APBB1IP: variants seen among roughly 807,000 people sequenced by gnomAD.
APBB1IP encodes the protein amyloid beta precursor protein binding family B member 1 interacting protein.
In APBB1IP, 27 loss-of-function variants were observed where a neutral mutation model predicts 64.9. The ratio of observed to expected loss-of-function variants is 0.42; its 90% CI spans 0.31 to 0.57. The LOEUF (loss-of-function observed/expected upper bound fraction) is 0.57, where lower values mean the gene tolerates loss of function less well. Ranked by LOEUF, APBB1IP falls within the 20% of genes least tolerant of loss-of-function variation. The probability of loss-of-function intolerance (pLI) is 0.20; values close to 1 mark genes in which losing one functional copy is unlikely to be tolerated. For missense variants in APBB1IP, 812 were observed against 845.5 expected, an observed-to-expected ratio of 0.96 and a Z score of 0.49; for synonymous variants, 392 against 331.0, an observed-to-expected ratio of 1.18 and a Z score of -2.00.
At chr10:26,535,909 C>T (rs937641573) in intron 9 of APBB1IP, among the ~76,000 whole-genome samples, 165 bp from the exon 10 acceptor site, 8 of 152,188 alleles carry the variant, frequency 5.3e-5, no homozygotes, top group African/African-American at 1.9e-4. Context: ...GTTATTCTTC[C>T]TCTCTTCTGG....
chr10:26,556,573 G>A (rs1484437972), intron 11 of APBB1IP, among the ~76,000 whole-genome samples: 3 of 152,326 alleles, frequency 2.0e-5, no homozygotes, highest in African/African-American at 4.8e-5. Context: ...CTTTAAGGGA[G>A]TGACTACATT....
Position 26,540,712 on chromosome 10 carries a change from T to C in APBB1IP, c.1045-870T>C, listed in dbSNP as rs1018152709. ...TATAGAAAGCGAAACAAAAAACTAA[T>C]GGAACACATTTGTAATTGAAGTGTA... On this transcript the variant is annotated intron_variant, in intron 10 of 14. Coordinates refer to ENST00000376236, the MANE Select transcript of APBB1IP (RefSeq NM_019043.4). Among the ~76,000 whole-genome samples the C allele has an allele frequency of 2.6e-4, 40 of 152,150 alleles. 1 individual carries two copies. The highest frequency in any genetic ancestry group is 2.6e-3 in the Admixed American group (39 of 15,268).
intron 8 of APBB1IP, among the ~76,000 whole-genome samples, chr10:26,523,010 C>CAAAAAAA (rs35641109): frequency 3.1e-5 from 2 of 64,722 alleles, no homozygotes; most frequent in Admixed American, 1.8e-4. Flanking sequence ...ACTCCATCTC[C>CAAAAAAA]AAAAAAAAAA....
intron 8 of APBB1IP, among the ~76,000 whole-genome samples, chr10:26,522,060 A>C (rs1836408781): frequency 6.6e-6 from 1 of 152,214 alleles, no homozygotes; most frequent in South Asian, 2.1e-4. Context: ...CTACAAGTTT[A>C]AATAGATACG....
intron 2 of APBB1IP, among the ~76,000 whole-genome samples, chr10:26,453,894 A>G (rs1835492445): frequency 6.6e-6 from 1 of 152,240 alleles, no homozygotes; most frequent in Non-Finnish European, 1.5e-5. Flanking sequence ...GGAAATCAGT[A>G]TATCAAAAAG....
intron 11 of APBB1IP, among the ~76,000 whole-genome samples, chr10:26,555,176 G>C (rs1480540249): frequency 6.6e-6 from 1 of 152,006 alleles, no homozygotes; most frequent in Non-Finnish European, 1.5e-5. Context: ...CCCTCAGTTC[G>C]ATCTTATTCT....
intron 2 of APBB1IP, among the ~76,000 whole-genome samples, chr10:26,476,657 A>G (rs1283432727): frequency 1.3e-5 from 2 of 152,222 alleles, no homozygotes; most frequent in East Asian, 3.9e-4. Flanking sequence ...TTGTTACACA[A>G]TGCATGTATC....
chr10:26,542,138 G>A (rs986395924), intron 11 of APBB1IP, among the ~76,000 whole-genome samples: 1 of 152,120 alleles, frequency 6.6e-6, no homozygotes, highest in Non-Finnish European at 1.5e-5. Flanking sequence ...AAAGGCAATA[G>A]GTATTATCAA....
At chr10:26,492,803 G>C (rs1049671875) in intron 3 of APBB1IP, among the ~76,000 whole-genome samples, 1 of 152,194 alleles carries the variant, frequency 6.6e-6, no homozygotes, top group African/African-American at 2.4e-5. Flanking sequence ...AGGTCAGGGA[G>C]AAACTAGAAT....
At chr10:26,488,616 C>A (rs1835920748) in intron 2 of APBB1IP, among the ~76,000 whole-genome samples, 2 of 152,212 alleles carry the variant, frequency 1.3e-5, no homozygotes, top group Non-Finnish European at 2.9e-5. Context: ...GGAAATGACT[C>A]CTCATGCTGA....
At chr10:26,443,306 C>A (rs1359152041) in intron 2 of APBB1IP, among the ~76,000 whole-genome samples, 1 of 151,912 alleles carries the variant, frequency 6.6e-6, no homozygotes, top group Non-Finnish European at 1.5e-5. Context: ...TGCCTGTAAT[C>A]CCAGCCACTC....
intron 2 of APBB1IP, among the ~76,000 whole-genome samples, chr10:26,483,784 G>A (rs1166995058): frequency 1.3e-5 from 2 of 152,014 alleles, no homozygotes; most frequent in Non-Finnish European, 2.9e-5. Context: ...GCAATCATGA[G>A]TCACTTCAGC....
chr10:26,465,368 G>C (rs1449900901), intron 2 of APBB1IP, among the ~76,000 whole-genome samples: 5 of 152,094 alleles, frequency 3.3e-5, no homozygotes, highest in Admixed American at 2.6e-4. Context: ...TGTCTAGCTA[G>C]TTGACATATT....
intron 6 of APBB1IP, among the ~76,000 whole-genome samples, chr10:26,506,207 C>A (rs1485690860): frequency 6.9e-6 from 1 of 144,050 alleles, no homozygotes; most frequent in Non-Finnish European, 1.5e-5. Context: ...ATCCTTCCCC[C>A]ACTTTAGTGT....
intron 8 of APBB1IP, among the ~76,000 whole-genome samples, chr10:26,523,325 T>TA: frequency 6.6e-6 from 1 of 152,308 alleles, no homozygotes; most frequent in Admixed American, 6.5e-5. Flanking sequence ...GCTGACCAGA[T>TA]AATTAGGTAC....
intron 13 of APBB1IP, 29 bp downstream of exon 13, chr10:26,560,873 A>G: frequency 1.3e-6 from 2 of 1,536,954 alleles, no homozygotes; most frequent in Non-Finnish European, 1.8e-6. Flanking sequence ...ATTCCAACAC[A>G]TATTCAAAGC....
chr10:26,442,828 T>A (rs74128307), intron 2 of APBB1IP, among the ~76,000 whole-genome samples: 4,681 of 152,250 alleles, frequency 0.031, 228 homozygotes, highest in African/African-American at 0.11. Flanking sequence ...TAATCATTAT[T>A]CTGAATGTGC....
intron 2 of APBB1IP, among the ~76,000 whole-genome samples, chr10:26,441,758 T>C (rs1276036795): frequency 6.6e-6 from 1 of 152,202 alleles, no homozygotes; most frequent in Non-Finnish European, 1.5e-5. Flanking sequence ...TTTTAAAACA[T>C]TTCCTGAGCG....
At chr10:26,547,136 C>T (rs867327245) in intron 11 of APBB1IP, among the ~76,000 whole-genome samples, 7 of 152,026 alleles carry the variant, frequency 4.6e-5, no homozygotes, top group Admixed American at 1.3e-4. Flanking sequence ...TTTGCATTTC[C>T]TTGGTGGTTA....
Sources: allele counts gnomAD v4.1 joint callset (sites outside exome capture counted in the v4.1 genomes callset), GRCh38; gene constraint gnomAD v4.1.1; transcripts MANE v1.5; gene names NCBI Gene and HGNC (gene_info 2026-07-23, HGNC 2026-07-21).